PDS5A: variants seen among roughly 807,000 people sequenced by gnomAD.
The protein encoded by PDS5A is PDS5 cohesin associated factor A, also known as sister chromatid cohesion protein PDS5 homolog A.
Under a neutral mutation model 167.1 loss-of-function variants are expected in PDS5A, and 42 were observed. The ratio of observed to expected loss-of-function variants is 0.25; its 90% CI spans 0.20 to 0.33. The LOEUF (loss-of-function observed/expected upper bound fraction) is 0.33, where lower values mean the gene tolerates loss of function less well. PDS5A is among the 10% of genes least tolerant of loss of function. The pLI is 1.00. For missense variants in PDS5A, 1,033 were observed against 1,605.9 expected, an observed-to-expected ratio of 0.64 and a Z score of 6.10; for synonymous variants, 553 against 554.6, an observed-to-expected ratio of 1.00 and a Z score of 0.04.
chr4:39,873,060 G>A lies in PDS5A; in HGVS notation c.2362C>T (p.Pro788Ser). Reference protein sequence around the residue: ...VSLGHISMLAPDQFASPMKSV... With the variant: ...VSLGHISMLASDQFASPMKSV... ...TTCATTGGGGAAGCAAACTGATCTGGTGCTAACATAGAAATGTGGCCCAAT... is the reference window on the plus strand; with the variant it reads ...TTCATTGGGGAAGCAAACTGATCTGATGCTAACATAGAAATGTGGCCCAAT... Residue 788 changes from proline to serine, a missense_variant, in exon 21 of 33, where the codon CCA becomes TCA. Pro to Ser is a moderately conservative substitution (Grantham distance 74). Coordinates refer to ENST00000303538, the MANE Select transcript of PDS5A (RefSeq NM_001100399.2). The A allele has an allele frequency of 6.4e-7, 1 of 1,557,278 alleles. No homozygotes were observed. The highest frequency in any genetic ancestry group is 8.8e-7 in the Non-Finnish European group (1 of 1,141,628).
At chr4:39,960,092 CA>C (rs576829886) in intron 2 of PDS5A, among the ~76,000 whole-genome samples, 1 of 151,374 alleles carries the variant, frequency 6.6e-6, no homozygotes, top group Non-Finnish European at 1.5e-5. Flanking sequence ...GACTTCGTCT[CA>C]AAAAAACAAA....
At chr4:39,898,330 T>C in intron 16 of PDS5A, 59 bp downstream of exon 16, 2 of 1,472,016 alleles carry the variant, frequency 1.4e-6, no homozygotes, top group East Asian at 2.5e-5. Flanking sequence ...CAGGCTTTAA[T>C]AAAATACATA....
chr4:39,944,694 C>CA (rs373241104), intron 2 of PDS5A, among the ~76,000 whole-genome samples: 28,221 of 85,186 alleles, frequency 0.33, 4,519 homozygotes, highest in African/African-American at 0.53. Flanking sequence ...AACTCCATCT[C>CA]AAAAAAAAAA....
intron 2 of PDS5A, among the ~76,000 whole-genome samples, chr4:39,934,054 A>G (rs1726342220): frequency 6.6e-6 from 1 of 152,180 alleles, no homozygotes; most frequent in Non-Finnish European, 1.5e-5. Context: ...GGGAAGAAGC[A>G]TCCATTTTGT....
intron 17 of PDS5A, among the ~76,000 whole-genome samples, chr4:39,885,403 C>T (rs1721353427): frequency 6.6e-6 from 1 of 151,844 alleles, no homozygotes; most frequent in African/African-American, 2.4e-5. Flanking sequence ...AGCTCGAGAC[C>T]AGCCTGGGCA....
At chr4:39,930,246 A>AAAAATTTTT in intron 2 of PDS5A, among the ~76,000 whole-genome samples, 2 of 93,088 alleles carry the variant, frequency 2.1e-5, no homozygotes, top group Admixed American at 1.1e-4. Flanking sequence ...AAAAAAAAAA[A>AAAAATTTTT]GTTTTTTTGT....
chr4:39,922,537 G>T, intron 6 of PDS5A, 85 bp downstream of exon 6: 2 of 1,182,180 alleles, frequency 1.7e-6, no homozygotes, highest in Non-Finnish European at 1.1e-6. Context: ...ACATGGGATT[G>T]CAAATGGCCA....
intron 2 of PDS5A, among the ~76,000 whole-genome samples, chr4:39,937,531 G>A (rs796379684): frequency 5.9e-5 from 9 of 151,936 alleles, no homozygotes; most frequent in Non-Finnish European, 4.4e-5. Context: ...CTCCTGCCTC[G>A]GTCTCCTGAG....
intron 11 of PDS5A, 66 bp downstream of exon 11, chr4:39,908,329 G>T (rs1327343318): frequency 1.7e-6 from 2 of 1,179,730 alleles, no homozygotes; most frequent in African/African-American, 1.5e-5. Context: ...AACAGAAAAT[G>T]ATACCCAATT....
At chr4:39,887,505 G>C (rs1338082726) in intron 17 of PDS5A, among the ~76,000 whole-genome samples, 1 of 152,096 alleles carries the variant, frequency 6.6e-6, no homozygotes, top group Non-Finnish European at 1.5e-5. Flanking sequence ...TTGAAAGCAG[G>C]TTGCTAGTAT....
intron 2 of PDS5A, 101 bp downstream of exon 2, chr4:39,976,339 C>T: frequency 1.1e-6 from 1 of 929,128 alleles, no homozygotes. Flanking sequence ...GGTAAGAGAT[C>T]TAAAAAACTT....
intron 11 of PDS5A, among the ~76,000 whole-genome samples, chr4:39,905,079 G>A (rs568459481): frequency 4.6e-5 from 7 of 151,682 alleles, no homozygotes; most frequent in Middle Eastern, 3.5e-3. Context: ...CAGGTGCATC[G>A]CTTGAGCTCA....
chr4:39,842,909 T>TTATATATATATATATATA (rs71194933), intron 30 of PDS5A, among the ~76,000 whole-genome samples: 2,811 of 91,768 alleles, frequency 0.031, 136 homozygotes, highest in Non-Finnish European at 0.034. Flanking sequence ...TATCCTATTT[T>TTATATATATATATATATA]TATATATATA....
At chr4:39,874,164 G>C in intron 20 of PDS5A, 125 bp downstream of exon 20, 1 of 676,898 alleles carries the variant, frequency 1.5e-6, no homozygotes, top group Non-Finnish European at 2.4e-6. Flanking sequence ...TTGCTCACAA[G>C]GAATTTATAG....
chr4:39,907,722 G>A (rs1026046404), intron 11 of PDS5A, among the ~76,000 whole-genome samples: 12 of 152,018 alleles, frequency 7.9e-5, no homozygotes, highest in Admixed American at 7.9e-4. Flanking sequence ...GAGTAGCTGG[G>A]CCTACAGGTG....
At chr4:39,969,161 T>TTAATATA (rs1211787940) in intron 2 of PDS5A, among the ~76,000 whole-genome samples, 1 of 152,218 alleles carries the variant, frequency 6.6e-6, no homozygotes, top group Non-Finnish European at 1.5e-5. Flanking sequence ...TATTTGTCAA[T>TTAATATA]TAATATATAA....
intron 12 of PDS5A, 62 bp from the exon 13 acceptor site, chr4:39,902,522 ATTT>A (rs199900186): frequency 4.3e-3 from 2,523 of 591,496 alleles, no homozygotes; most frequent in South Asian, 7.3e-3. Context: ...TTAAGAAGCA[ATTT>A]TTTTTTTTTT....
At chr4:39,965,885 T>G (rs1225535751) in intron 2 of PDS5A, among the ~76,000 whole-genome samples, 1 of 152,208 alleles carries the variant, frequency 6.6e-6, no homozygotes, top group Non-Finnish European at 1.5e-5. Flanking sequence ...ACAATGTGAA[T>G]GTACCTAATG....
At chr4:39,861,113 C>T (rs183603357) in intron 26 of PDS5A, among the ~76,000 whole-genome samples, 16 of 149,816 alleles carry the variant, frequency 1.1e-4, no homozygotes, top group Admixed American at 4.7e-4. Context: ...TACAGGCAGA[C>T]AGTAGAAGGG....
Sources: gnomAD v4.1 joint callset for allele counts (sites outside exome capture counted in the v4.1 genomes callset) on GRCh38, gnomAD v4.1.1 for gene constraint, MANE v1.5 for transcripts, NCBI Gene and HGNC (gene_info 2026-07-23, HGNC 2026-07-21) for gene names.